CCDC82: variants seen among roughly 807,000 people sequenced by gnomAD.
The protein encoded by CCDC82 is coiled-coil domain-containing protein 82.
Under a neutral mutation model 60.6 loss-of-function variants are expected in CCDC82, and 47 were observed. The ratio of observed to expected loss-of-function variants is 0.77; its 90% CI spans 0.61 to 0.99. The LOEUF (loss-of-function observed/expected upper bound fraction) is 0.99. Ranked by LOEUF, CCDC82 falls within the 50% of genes least tolerant of loss-of-function variation. The pLI is 0.00. For synonymous variants in CCDC82, 212 were observed against 207.4 expected, an observed-to-expected ratio of 1.02 and a Z score of -0.19; for missense variants, 588 against 633.0, an observed-to-expected ratio of 0.93 and a Z score of 0.76.
chr11:96,383,393 A>T lies in CCDC82; in HGVS notation c.867T>A (p.Asp289Glu). ...EEEDNYESDE[D>E]GDDYIIDDFV... is the part of the protein sequence containing the mutation. ...AGTCATCGATAATATAATCATCTCC[A>T]TCTTCATCAGATTCATAATTATCCT... The change falls in exon 5 of 10, where the codon GAT (aspartate) becomes GAA (glutamate). Residue 289 changes from aspartate (D) to glutamate (E), a missense_variant. By Grantham distance (45) the Asp-to-Glu change is conservative. Transcript: ENST00000646818. 1 of 1,600,444 alleles carries T rather than the reference A, an allele frequency of 6.2e-7. No homozygotes were observed. The highest frequency in any genetic ancestry group is 8.5e-7 in the Non-Finnish European group (1 of 1,170,952).
At chr11:96,376,514 G>A (rs924283729) in intron 5 of CCDC82, among the ~76,000 whole-genome samples, 5 of 149,352 alleles carry the variant, frequency 3.3e-5, no homozygotes, top group African/African-American at 4.9e-5. Context: ...TGCAACCTCC[G>A]CCTCCCAGGT....
chr11:96,360,994 A>G (rs1864633463), intron 8 of CCDC82, among the ~76,000 whole-genome samples: 1 of 152,242 alleles, frequency 6.6e-6, no homozygotes, highest in South Asian at 2.1e-4. Context: ...AACAGGTATT[A>G]TTGTACATGG....
rs1274657332 is a variant in CCDC82 at position 96,384,518 on chromosome 11, T to A, written c.230A>T (p.Lys77Ile). ...GAGCTCTCTTTCACTTCCTGGTGTT[T>A]TATTACAATCAGGTCCCTTGTTACT... Reference protein sequence around the residue: ...LDSNKGPDCNKTPGSERELNL... With the variant: ...LDSNKGPDCNITPGSERELNL... The change falls in exon 4 of 10, where the codon AAA becomes ATA. Residue 77 changes from lysine to isoleucine, a missense_variant. Transcript: ENST00000646818. 3 of 1,613,812 alleles carry A rather than the reference T, an allele frequency of 1.9e-6. No individual in the cohort carries two copies. The South Asian group carries it at 3.3e-5, about 18-fold the overall frequency.
At chr11:96,366,619 A>G (rs1266022056) in intron 7 of CCDC82, among the ~76,000 whole-genome samples, 1 of 152,216 alleles carries the variant, frequency 6.6e-6, no homozygotes, top group African/African-American at 2.4e-5. Flanking sequence ...AGCTGGCCAC[A>G]GTGGCGCGTG....
At chr11:96,379,780 T>C (rs1276288885) in intron 5 of CCDC82, among the ~76,000 whole-genome samples, 1 of 151,776 alleles carries the variant, frequency 6.6e-6, no homozygotes, top group East Asian at 1.9e-4. Flanking sequence ...CTGATAACAA[T>C]CTTCAATAAG....
intron 7 of CCDC82, 38 bp downstream of exon 7, chr11:96,370,975 C>T (rs1196516218): frequency 6.8e-7 from 1 of 1,459,930 alleles, no homozygotes; most frequent in Non-Finnish European, 9.1e-7. Flanking sequence ...TTTGCTGCCC[C>T]CAACCCCCAA....
intron 7 of CCDC82, among the ~76,000 whole-genome samples, chr11:96,370,606 C>T (rs1472282765): frequency 9.9e-5 from 15 of 152,120 alleles, no homozygotes; most frequent in African/African-American, 2.4e-5. Context: ...GCATTCCATA[C>T]CACCCTTTGA....
chr11:96,386,561 T>A (rs1866208392), intron 2 of CCDC82: 2 of 152,204 alleles, frequency 1.3e-5, no homozygotes, highest in African/African-American at 2.4e-5. Flanking sequence ...GCTCAAGCGA[T>A]ATGTTTCGAT....
intron 6 of CCDC82, among the ~76,000 whole-genome samples, chr11:96,372,411 A>C (rs1269507091): frequency 1.3e-5 from 2 of 151,618 alleles, no homozygotes; most frequent in Non-Finnish European, 2.9e-5. Context: ...CTCCCATTAG[A>C]CTATAAGTAA....
At position 96,372,062 on chromosome 11, in the gene CCDC82, G is replaced by C. The variant is rs542193353; in HGVS notation, c.1085-925C>G. 9.2e-5 allele frequency among the ~76,000 whole-genome samples: 14 copies of C among 152,088 alleles called. No homozygotes were observed. The South Asian group carries it at 2.7e-3, about 29-fold the overall frequency. ...CCTTCTGTCCTCAGCCTACTCCTCT[G>C]AGCTCCTCTCTTTTCCCTCTCTCCT... On this transcript the variant is annotated intron_variant, in intron 6 of 9. Transcript: ENST00000646818.
At chr11:96,382,590 G>A (rs1278951935) in intron 5 of CCDC82, 4 of 151,836 alleles carry the variant, frequency 2.6e-5, no homozygotes, top group South Asian at 2.1e-4. Flanking sequence ...CTGCACGACA[G>A]ACCAATGGTT....
chr11:96,361,705 T>C (rs564331450), intron 8 of CCDC82, among the ~76,000 whole-genome samples: 13 of 152,298 alleles, frequency 8.5e-5, no homozygotes, highest in African/African-American at 3.1e-4. Flanking sequence ...ACAATACAGC[T>C]TACACTGTAG....
intron 9 of CCDC82, 25 bp from the exon 10 acceptor site, chr11:96,353,739 T>C: frequency 6.4e-7 from 1 of 1,561,870 alleles, no homozygotes; most frequent in Non-Finnish European, 8.8e-7. Context: ...GAAAAGCTAG[T>C]TATTTTACTC....
At chr11:96,371,505 C>A (rs1375598787) in intron 6 of CCDC82, among the ~76,000 whole-genome samples, 1 of 152,150 alleles carries the variant, frequency 6.6e-6, no homozygotes, top group Non-Finnish European at 1.5e-5. Flanking sequence ...TGGTGTGAAC[C>A]CGGGAGGGGG....
chr11:96,371,857 A>C (rs1348652639), intron 6 of CCDC82, among the ~76,000 whole-genome samples: 1 of 152,040 alleles, frequency 6.6e-6, no homozygotes, highest in East Asian at 1.9e-4. Flanking sequence ...AGCATGCTAC[A>C]CTCATTACTG....
intron 5 of CCDC82, among the ~76,000 whole-genome samples, chr11:96,379,915 A>C (rs538216258): frequency 2.0e-5 from 3 of 151,966 alleles, no homozygotes; most frequent in African/African-American, 7.2e-5. Context: ...AACCAAAATG[A>C]AGATAGTTGA....
At chr11:96,356,547 TAC>T in intron 9 of CCDC82, 1 of 985,008 alleles carries the variant, frequency 1.0e-6, no homozygotes, top group Non-Finnish European at 1.2e-6. Context: ...CATCATCATA[TAC>T]ACTTTCTTCT....
intron 2 of CCDC82, chr11:96,386,777 A>G (rs1420507251): frequency 6.6e-6 from 1 of 152,230 alleles, no homozygotes; most frequent in East Asian, 1.9e-4. Flanking sequence ...CTGCTATTTG[A>G]AATTACCCTT....
In CCDC82 at chr11:96,357,031, A is replaced by C. The variant is rs1469625558; in HGVS notation, c.1566+1962T>G. 6 of 985,356 alleles carry C rather than the reference A, an allele frequency of 6.1e-6. No homozygotes were observed. The African/African-American group carries it at 7.0e-5, about 11-fold the overall frequency. The allele number at this position is 985,356 out of a possible 1,614,324, so 61.0% of individuals were successfully genotyped here. A position where few individuals can be genotyped will look rare whatever the true frequency, so the allele number is the denominator to read the frequency against. Reference sequence around the variant, plus strand: ...AGTAACACTGAGCCCCAGGCATTCTAAAGGGTTAGAGTAACTGTGACTACC... The same window carrying C: ...AGTAACACTGAGCCCCAGGCATTCTCAAGGGTTAGAGTAACTGTGACTACC... On this transcript the variant is annotated intron_variant, in intron 9 of 9. Transcript: ENST00000646818.
Sources: allele counts gnomAD v4.1 joint callset (sites outside exome capture counted in the v4.1 genomes callset), GRCh38; gene constraint gnomAD v4.1.1; transcripts MANE v1.5; gene names NCBI Gene and HGNC (gene_info 2026-07-23, HGNC 2026-07-21).